Variants in CYB5R3 observed in about 807,000 individuals in gnomAD.
CYB5R3 encodes NADH-cytochrome b5 reductase 3.
In CYB5R3, 28 loss-of-function variants were observed where a neutral mutation model predicts 36.5. The ratio of observed to expected loss-of-function variants is 0.77; its 90% CI spans 0.57 to 1.05. The LOEUF is 1.05. Ranked by LOEUF, CYB5R3 falls within the 50% of genes least tolerant of loss-of-function variation. The probability of loss-of-function intolerance (pLI) is 0.00; values close to 1 mark genes in which losing one functional copy is unlikely to be tolerated. For missense variants in CYB5R3, 474 were observed against 408.9 expected, an observed-to-expected ratio of 1.16 and a Z score of -1.37; for synonymous variants, 181 against 159.8, an observed-to-expected ratio of 1.13 and a Z score of -1.00.
At chr22:42,639,354 A>C in intron 1 of CYB5R3, among the ~76,000 whole-genome samples, 1 of 144,170 alleles carries the variant, frequency 6.9e-6, no homozygotes, top group African/African-American at 2.6e-5. Flanking sequence ...GGGACCGGGC[A>C]CGGTGGCTCA....
intron 7 of CYB5R3, among the ~76,000 whole-genome samples, 171 bp downstream of exon 7, chr22:42,627,133 C>T (rs1928310526): frequency 1.3e-5 from 2 of 152,186 alleles, no homozygotes; most frequent in Admixed American, 1.3e-4. Context: ...CAAAGCCTGC[C>T]CGCCGTGCTG....
Position 42,630,913 on chromosome 22 carries a change from T to G in CYB5R3, c.302A>C (p.Asp101Ala). The G allele has an allele frequency of 6.2e-7, 1 of 1,613,976 alleles. No homozygotes were observed. The highest frequency in any genetic ancestry group is 8.5e-7 in the Non-Finnish European group (1 of 1,179,962). Reference protein sequence around the residue: ...VRPYTPISSDDDKGFVDLVIK... With the variant: ...VRPYTPISSDADKGFVDLVIK... ...GACCAGGTCCACGAAGCCCTTGTCA[T>G]CATCGCTGGAGATGGGTGTATAGGG... The change falls in exon 4 of 9, where the codon GAT becomes GCT. Residue 101 changes from aspartate (D) to alanine (A), a missense_variant. By Grantham distance (126) the Asp-to-Ala change is moderately radical. Coordinates refer to ENST00000352397, the MANE Select transcript of CYB5R3 (RefSeq NM_000398.7).
At position 42,623,688 on chromosome 22, in the gene CYB5R3, G is replaced by C. The variant is rs1230167112; in HGVS notation, c.733+101C>G. On this transcript the variant is annotated intron_variant, in intron 8 of 8. Coordinates refer to ENST00000352397, the MANE Select transcript of CYB5R3 (RefSeq NM_000398.7). Reference sequence around the variant, plus strand: ...TGCCTCCCACAGGGCCATAGTGAGTGCCAGATGTCGTCCAAAGGCTCAACG... The same window carrying C: ...TGCCTCCCACAGGGCCATAGTGAGTCCCAGATGTCGTCCAAAGGCTCAACG... The C allele has an allele frequency of 4.2e-6, 4 of 954,020 alleles. No individual in the cohort carries two copies. The Admixed American group carries it at 5.2e-5, about 12-fold the overall frequency. The allele number at this position is 954,020 out of a possible 1,614,324, so 59.1% of individuals were successfully genotyped here. A position where few individuals can be genotyped will look rare whatever the true frequency, so the allele number is the denominator to read the frequency against.
At chr22:42,648,473 G>C (rs1196366057) in intron 1 of CYB5R3, among the ~76,000 whole-genome samples, 1 of 152,252 alleles carries the variant, frequency 6.6e-6, no homozygotes, top group Non-Finnish European at 1.5e-5. Context: ...CTGGGGGGAA[G>C]GGAAGGTGGC....
intron 4 of CYB5R3, among the ~76,000 whole-genome samples, chr22:42,628,935 C>G (rs955808336): frequency 3.3e-5 from 5 of 151,992 alleles, no homozygotes; most frequent in Admixed American, 1.3e-4. Flanking sequence ...CAGAGGGTGG[C>G]TATGGGGTGT....
In CYB5R3 at chr22:42,631,897, A is replaced by G. The variant is rs1928641710; in HGVS notation, c.154-447T>C. On this transcript the variant is annotated intron_variant, in intron 2 of 8. Transcript: ENST00000352397. ...GCCTGCATCCCAAGAGAGGGGCTGC[A>G]GAAGCCACTGCACCTGAGAGCCCCT... The G allele has an allele frequency of 1.6e-5, 3 of 190,578 alleles. 1 individual carries two copies. Among genetic ancestry groups the G allele is most frequent in the Non-Finnish European group, 1.1e-5 (1 of 89,858 alleles). 11.8% of individuals were successfully genotyped at this position (190,578 alleles called of 1,614,324 possible). A position where few individuals can be genotyped will look rare whatever the true frequency, so the allele number is the denominator to read the frequency against.
intron 8 of CYB5R3, among the ~76,000 whole-genome samples, 160 bp from the exon 9 acceptor site, chr22:42,620,105 C>A (rs1466665049): frequency 6.6e-6 from 1 of 152,196 alleles, no homozygotes; most frequent in Non-Finnish European, 1.5e-5. Flanking sequence ...CTGACTCAAG[C>A]CTATGGCCTC....
chr22:42,625,440 G>A (rs137131), intron 7 of CYB5R3, among the ~76,000 whole-genome samples: 46,775 of 152,010 alleles, frequency 0.31, 10,079 homozygotes, highest in East Asian at 0.68. Context: ...CCCGGGAGGC[G>A]GAGGTTGCAG....
At chr22:42,627,997 C>G (rs1392759137) in intron 5 of CYB5R3, among the ~76,000 whole-genome samples, 155 bp downstream of exon 5, 1 of 152,144 alleles carries the variant, frequency 6.6e-6, no homozygotes, top group Non-Finnish European at 1.5e-5. Context: ...ACCCCCTCTA[C>G]AGCCAGGGAG....
At chr22:42,621,476 C>T (rs1026324072) in intron 8 of CYB5R3, among the ~76,000 whole-genome samples, 1 of 152,220 alleles carries the variant, frequency 6.6e-6, no homozygotes, top group Non-Finnish European at 1.5e-5. Context: ...CCTCATCCTT[C>T]GCTTAGCTAC....
intron 1 of CYB5R3, among the ~76,000 whole-genome samples, chr22:42,641,837 T>TCTCATCGAA (rs1929290447): frequency 6.6e-6 from 1 of 151,938 alleles, no homozygotes; most frequent in Non-Finnish European, 1.5e-5. Context: ...GCCAGGCTGG[T>TCTCATCGAA]CTCATCGAAC....
chr22:42,628,005 G>A, intron 5 of CYB5R3, 147 bp downstream of exon 5: 3 of 1,196,702 alleles, frequency 2.5e-6, no homozygotes, highest in South Asian at 1.2e-5. Context: ...TACAGCCAGG[G>A]AGACTCAGTT....
intron 1 of CYB5R3, among the ~76,000 whole-genome samples, chr22:42,645,604 G>A (rs537258755): frequency 6.6e-6 from 1 of 152,240 alleles, no homozygotes; most frequent in Admixed American, 6.5e-5. Context: ...TCCTTCCAGT[G>A]TCTGCTCCCA....
chr22:42,628,259 G>C lies in CYB5R3; in HGVS notation c.356C>G (p.Pro119Arg). The stretch of plus-strand genomic sequence containing the variant: ...CATCTTCCCTCCAGCGGGAAACTTG[G>C]GATGGGTGTCCTTGAAGTAAACCTG... Reference protein sequence around the residue: ...VIKVYFKDTHPKFPAGGKMSQ... With the variant: ...VIKVYFKDTHRKFPAGGKMSQ... Residue 119 changes from proline (P) to arginine (R), a missense_variant, in exon 5 of 9, where the codon CCC becomes CGC. Coordinates refer to ENST00000352397, the MANE Select transcript of CYB5R3 (RefSeq NM_000398.7). 1 of 1,614,042 alleles carries C rather than the reference G, an allele frequency of 6.2e-7. No homozygotes were observed. Among genetic ancestry groups the C allele is most frequent in the African/African-American group, 1.3e-5 (1 of 75,026 alleles).
rs547456318 is a variant in CYB5R3, at chr22:42,640,286, G to A, written c.22-3440C>T. 3.9e-6 allele frequency: 6 copies of A among 1,547,312 alleles called. No individual in the cohort carries two copies. In the South Asian group the frequency reaches 7.1e-5, roughly 18 times the overall value. ...ACAAATGGAGCCATGGTTCTGGGAT[G>A]GAAAGTCCATCATCCCGAATGGCCA... On this transcript the variant is annotated intron_variant, in intron 1 of 8. Coordinates refer to ENST00000352397, the MANE Select transcript of CYB5R3 (RefSeq NM_000398.7).
intron 1 of CYB5R3, among the ~76,000 whole-genome samples, chr22:42,649,053 G>GC (rs1169133942): frequency 6.6e-6 from 1 of 152,152 alleles, no homozygotes; most frequent in Admixed American, 6.5e-5. Flanking sequence ...GCTCTGGCGC[G>GC]CCCCCCGGGC....
chr22:42,639,967 A>G, intron 1 of CYB5R3: 2 of 1,610,072 alleles, frequency 1.2e-6, no homozygotes, highest in Non-Finnish European at 1.7e-6. Flanking sequence ...TGGTCTTCAA[A>G]CATTCTAGCC....
At chr22:42,627,233 A>G in intron 7 of CYB5R3, 71 bp downstream of exon 7, 1 of 1,277,060 alleles carries the variant, frequency 7.8e-7, no homozygotes, top group Non-Finnish European at 1.1e-6. Flanking sequence ...CCCCTGGAAC[A>G]GCACCTGACC....
In CYB5R3 at chr22:42,635,412, G is replaced by A. The variant is rs542623771; in HGVS notation, c.153+1303C>T. Among the ~76,000 whole-genome samples the A allele has an allele frequency of 2.7e-4, 41 of 151,740 alleles. 1 individual carries two copies. Among genetic ancestry groups the A allele is most frequent in the South Asian group, 2.1e-3 (10 of 4,794 alleles). ...AGCCACCACGCCTGGCCTAATTTTC[G>A]TATTGTTAGTAGAGATGGGGTTTCA... On this transcript the variant is annotated intron_variant, in intron 2 of 8. Transcript: ENST00000352397.
Sources: allele counts gnomAD v4.1 joint callset (sites outside exome capture counted in the v4.1 genomes callset), GRCh38; gene constraint gnomAD v4.1.1; transcripts MANE v1.5; gene names NCBI Gene and HGNC (gene_info 2026-07-23, HGNC 2026-07-21).